The following SRGAP1 variants were observed in gnomAD, a reference collection of about 807,000 sequenced individuals.
The protein encoded by SRGAP1 is SLIT-ROBO Rho GTPase activating protein 1.
Under a neutral mutation model 121.9 loss-of-function variants are expected in SRGAP1, and 43 were observed. The ratio of observed to expected loss-of-function variants is 0.35; its 90% CI spans 0.28 to 0.46. SRGAP1 has a LOEUF of 0.46. SRGAP1 is among the 20% of genes least tolerant of loss of function. SRGAP1 has a pLI of 1.00. For missense variants in SRGAP1, 1,102 were observed against 1,350.9 expected, an observed-to-expected ratio of 0.82 and a Z score of 2.89; for synonymous variants, 447 against 485.4, an observed-to-expected ratio of 0.92 and a Z score of 1.04.
rs1354060601 is a variant in SRGAP1 at position 64,142,416 on chromosome 12, C to A, written c.3002C>A (p.Thr1001Asn). Residue 1001 changes from threonine (T) to asparagine (N), a missense_variant, in exon 22 of 22, where the codon ACC becomes AAC. This residue lies in a region of SRGAP1 where 315 missense variants were observed against 343.1 expected (regional missense o/e 0.92). Transcript: ENST00000355086. ...CTGGAGCAAGTGAAAAACTCTCCCA[C>A]CCCTGCCACTTCCACGGAATCTCTC... is the stretch of plus-strand genomic sequence containing the variant. ...DTLEQVKNSP[T>N]PATSTESLSP... 2 of 1,614,144 alleles carry A rather than the reference C, an allele frequency of 1.2e-6. No homozygotes were observed. Among genetic ancestry groups the A allele is most frequent in the Non-Finnish European group, 1.7e-6 (2 of 1,180,030 alleles).
In SRGAP1 at chr12:63,949,066, T is replaced by A. The variant is rs182798288; in HGVS notation, c.68-34881T>A. Reference sequence around the variant, plus strand: ...TCCATATATGTATTTTCCATATATGTATTTTCCATATATGTATTTTCCATA... The same window carrying A: ...TCCATATATGTATTTTCCATATATGAATTTTCCATATATGTATTTTCCATA... On this transcript the variant is annotated intron_variant, in intron 1 of 21. Transcript: ENST00000355086. Among the ~76,000 whole-genome samples, 953 of 128,338 alleles carry A rather than the reference T, an allele frequency of 7.4e-3. 8 individuals are homozygous for A. Among genetic ancestry groups the A allele is most frequent in the African/African-American group, 0.016 (539 of 34,436 alleles). 84.2% of individuals were successfully genotyped at this position (128,338 alleles called of 152,430 possible). A position where few individuals can be genotyped will look rare whatever the true frequency, so the allele number is the denominator to read the frequency against.
chr12:63,963,167 C>T (rs1026486903), intron 1 of SRGAP1, among the ~76,000 whole-genome samples: 1 of 152,162 alleles, frequency 6.6e-6, no homozygotes, highest in Admixed American at 6.5e-5. Flanking sequence ...CATAACTCCA[C>T]AGGAACCACC....
chr12:63,985,146 T>C (rs755658094), intron 2 of SRGAP1, among the ~76,000 whole-genome samples: 1 of 151,802 alleles, frequency 6.6e-6, no homozygotes, highest in Non-Finnish European at 1.5e-5. Context: ...CTGTTCTGCA[T>C]TGGAGGTGGG....
At chr12:64,028,413 G>C (rs948006975) in intron 4 of SRGAP1, among the ~76,000 whole-genome samples, 2 of 152,162 alleles carry the variant, frequency 1.3e-5, no homozygotes, top group Non-Finnish European at 2.9e-5. Context: ...ACCATCCCTC[G>C]GCTCCCCGGC....
At chr12:63,911,964 T>G (rs2030521595) in intron 1 of SRGAP1, among the ~76,000 whole-genome samples, 3 of 152,156 alleles carry the variant, frequency 2.0e-5, no homozygotes, top group Admixed American at 2.0e-4. Flanking sequence ...TGGTACATCT[T>G]TAGGTTAAAA....
chr12:64,057,835 C>A (rs570749690), intron 6 of SRGAP1, among the ~76,000 whole-genome samples: 2 of 152,150 alleles, frequency 1.3e-5, no homozygotes, highest in African/African-American at 4.8e-5. Context: ...TCCATTCTCA[C>A]GACAACTGCT....
Position 64,062,937 on chromosome 12 carries a change from T to C in SRGAP1, c.822T>C (p.His274=), listed in dbSNP as rs772720206. 3 of 1,612,814 alleles carry C rather than the reference T, an allele frequency of 1.9e-6. No individual in the cohort carries two copies. Among genetic ancestry groups the C allele is most frequent in the African/African-American group, 1.3e-5 (1 of 74,894 alleles). ...DLIDCCDLGY[H]ASLNRALRTY... ...TTAAGTGCTGTGATCTTGGCTACCA[T>C]GCAAGTCTGAACAGAGCCCTAAGAA... The change falls in exon 7 of 22, where the codon CAT becomes CAC. Residue 274 remains histidine, a synonymous_variant. Coordinates refer to ENST00000355086, the MANE Select transcript of SRGAP1 (RefSeq NM_020762.4).
chr12:64,119,391 CA>C lies in SRGAP1; in HGVS notation c.2224+3499del, dbSNP rs566641023. ...TTTAGACTCAGTTTTTCAAGTTCTTCAGACAAACAAAACCCTCTAAAGCCCA... is the reference window on the plus strand; with the variant it reads ...TTTAGACTCAGTTTTTCAAGTTCTTCGACAAACAAAACCCTCTAAAGCCCA... On this transcript the variant is annotated intron_variant, in intron 18 of 21. Coordinates refer to ENST00000355086, the MANE Select transcript of SRGAP1 (RefSeq NM_020762.4). Among the ~76,000 whole-genome samples, 249 of 152,298 alleles carry C rather than the reference CA, an allele frequency of 1.6e-3. 3 individuals carry two copies. Among genetic ancestry groups the C allele is most frequent in the Middle Eastern group, 0.014 (4 of 292 alleles).
At position 64,001,238 on chromosome 12, in the gene SRGAP1, T is replaced by A. The variant is rs116146512; in HGVS notation, c.426+11166T>A. Among the ~76,000 whole-genome samples the A allele has an allele frequency of 5.3e-3, 803 of 152,306 alleles. 6 individuals are homozygous for A. Among genetic ancestry groups the A allele is most frequent in the African/African-American group, 0.017 (717 of 41,558 alleles). ...AGGACAATTGAAGGAAAGTTACAAC[T>A]CCAAAATTCTAGATACAACCAAGTT... On this transcript the variant is annotated intron_variant, in intron 3 of 21. Transcript: ENST00000355086.
chr12:64,077,795 T>A (rs2035765428), intron 8 of SRGAP1, among the ~76,000 whole-genome samples: 1 of 152,106 alleles, frequency 6.6e-6, no homozygotes, highest in Non-Finnish European at 1.5e-5. Context: ...AATTAGAATC[T>A]TTGTTCATCT....
chr12:64,137,119 C>T (rs776715031), intron 21 of SRGAP1, among the ~76,000 whole-genome samples: 5 of 152,038 alleles, frequency 3.3e-5, no homozygotes, highest in Non-Finnish European at 7.4e-5. Context: ...AAAAAATTAG[C>T]TGGGCATGGT....
At chr12:64,012,184 A>G (rs964086881) in intron 3 of SRGAP1, among the ~76,000 whole-genome samples, 1 of 152,214 alleles carries the variant, frequency 6.6e-6, no homozygotes, top group Non-Finnish European at 1.5e-5. Context: ...GAGACTGTTC[A>G]TTTTGGACTT....
intron 21 of SRGAP1, among the ~76,000 whole-genome samples, chr12:64,129,148 A>T (rs1330431850): frequency 6.6e-6 from 1 of 152,106 alleles, no homozygotes; most frequent in East Asian, 1.9e-4. Context: ...GATTCTCTAG[A>T]GGGACAGAAT....
intron 4 of SRGAP1, among the ~76,000 whole-genome samples, chr12:64,031,195 G>A (rs570652549): frequency 3.3e-5 from 5 of 151,522 alleles, no homozygotes; most frequent in Non-Finnish European, 7.4e-5. Context: ...GCAGACACCT[G>A]TAATCCCAGC....
At chr12:64,141,577 C>T (rs2136654441) in intron 21 of SRGAP1, among the ~76,000 whole-genome samples, 1 of 152,064 alleles carries the variant, frequency 6.6e-6, no homozygotes, top group South Asian at 2.1e-4. Flanking sequence ...AAGACTGCAT[C>T]TTGGGGGGGG....
chr12:64,083,731 G>A (rs555375519), intron 10 of SRGAP1, among the ~76,000 whole-genome samples: 2 of 152,018 alleles, frequency 1.3e-5, no homozygotes, highest in African/African-American at 2.4e-5. Flanking sequence ...TCAGTAATGA[G>A]CCTTAATGTT....
chr12:63,952,546 A>C (rs1020836241), intron 1 of SRGAP1, among the ~76,000 whole-genome samples: 3 of 152,110 alleles, frequency 2.0e-5, no homozygotes, highest in Admixed American at 1.3e-4. Flanking sequence ...GGAAGAAAAG[A>C]AAGAAAAAAT....
chr12:63,941,365 G>C (rs940180985), intron 1 of SRGAP1, among the ~76,000 whole-genome samples: 3 of 152,002 alleles, frequency 2.0e-5, no homozygotes, highest in Admixed American at 6.6e-5. Flanking sequence ...CTGGATGATA[G>C]GATGGGTTTT....
intron 21 of SRGAP1, among the ~76,000 whole-genome samples, chr12:64,128,440 C>T (rs544386581): frequency 2.0e-5 from 3 of 152,158 alleles, no homozygotes; most frequent in Admixed American, 6.5e-5. Context: ...ATGACAAAAA[C>T]GTAGGACCAG....
Sources: allele counts gnomAD v4.1 joint callset (sites outside exome capture counted in the v4.1 genomes callset), GRCh38; gene constraint gnomAD v4.1.1; regional missense constraint gnomAD v4.1.1; transcripts MANE v1.5; gene names NCBI Gene and HGNC (gene_info 2026-07-23, HGNC 2026-07-21).